Variants in PTPRZ1 observed in about 807,000 individuals in gnomAD.
The protein encoded by PTPRZ1 is receptor-type tyrosine-protein phosphatase zeta.
Under a neutral mutation model 214.1 loss-of-function variants are expected in PTPRZ1, and 82 were observed. That is an observed-to-expected ratio of 0.38 (90% CI 0.32 to 0.46). The LOEUF (loss-of-function observed/expected upper bound fraction) is 0.46, where lower values mean the gene tolerates loss of function less well. PTPRZ1 is among the 20% of genes least tolerant of loss of function. The probability of loss-of-function intolerance (pLI) is 1.00; values close to 1 mark genes in which losing one functional copy is unlikely to be tolerated. For missense variants in PTPRZ1, 2,603 were observed against 2,748.7 expected, an observed-to-expected ratio of 0.95 and a Z score of 1.19; for synonymous variants, 945 against 987.9, an observed-to-expected ratio of 0.96 and a Z score of 0.81.
At chr7:122,033,514 AAG>A (rs1395444249) in intron 15 of PTPRZ1, among the ~76,000 whole-genome samples, 1 of 152,062 alleles carries the variant, frequency 6.6e-6, no homozygotes, top group African/African-American at 2.4e-5. Flanking sequence ...TTTAAACAAA[AAG>A]AGGTCTGCTA....
In PTPRZ1 at chr7:121,972,624, T is replaced by C. The variant is rs1797291242; in HGVS notation, c.388T>C (p.Trp130Arg). ...TAAAGCAAGCAAGATAACTTTTCAC[T>C]GGGGAAAATGCAATATGTCATCTGA... ...VFKASKITFH[W>R]GKCNMSSDGS... The change falls in exon 4 of 30, where the codon TGG becomes CGG. Residue 130 changes from tryptophan (W) to arginine (R), a missense_variant. Trp to Arg is a moderately radical substitution (Grantham distance 101). Coordinates refer to ENST00000393386, the MANE Select transcript of PTPRZ1 (RefSeq NM_002851.3). The C allele has an allele frequency of 1.2e-6, 2 of 1,613,456 alleles. No individual in the cohort carries two copies. Among genetic ancestry groups the C allele is most frequent in the Non-Finnish European group, 1.7e-6 (2 of 1,179,692 alleles).
chr7:122,024,421 G>T (rs1442948251), intron 13 of PTPRZ1, among the ~76,000 whole-genome samples: 1 of 151,988 alleles, frequency 6.6e-6, no homozygotes, highest in African/African-American at 2.4e-5. Flanking sequence ...ATTCTCTCTT[G>T]ATCTTAAACT....
intron 2 of PTPRZ1, among the ~76,000 whole-genome samples, chr7:121,962,065 T>G (rs1381861875): frequency 1.3e-5 from 2 of 152,202 alleles, no homozygotes; most frequent in Admixed American, 1.3e-4. Flanking sequence ...GTATACCTGC[T>G]TTCTCAGATG....
At chr7:121,998,967 T>C (rs1210878159) in intron 10 of PTPRZ1, among the ~76,000 whole-genome samples, 1 of 152,182 alleles carries the variant, frequency 6.6e-6, no homozygotes, top group Non-Finnish European at 1.5e-5. Context: ...GTCTAAATGC[T>C]GTAGCAGGGA....
chr7:121,899,101 G>T (rs1234816706), intron 1 of PTPRZ1, among the ~76,000 whole-genome samples: 1 of 151,986 alleles, frequency 6.6e-6, no homozygotes. Flanking sequence ...TCAAGTCCCA[G>T]GACAGTAAAC....
chr7:122,007,411 G>A lies in PTPRZ1; in HGVS notation c.1287+2751G>A, dbSNP rs563719665. 2.6e-5 allele frequency among the ~76,000 whole-genome samples: 4 copies of A among 152,218 alleles called. No individual in the cohort carries two copies. The East Asian group carries it at 5.8e-4, about 22-fold the overall frequency. On this transcript the variant is annotated intron_variant, in intron 11 of 29. Transcript: ENST00000393386. ...AGCAGTGATTGGTAAGCTTGGCTTG[G>A]TAAATTGGTAGTAGTTCTTGCTATT...
chr7:122,057,936 GTCAT>G, intron 27 of PTPRZ1, among the ~76,000 whole-genome samples: 1 of 143,970 alleles, frequency 6.9e-6, no homozygotes, highest in African/African-American at 2.7e-5. Flanking sequence ...TATCAGTTCA[GTCAT>G]TCATATAGTG....
chr7:121,946,747 G>A (rs754425489), intron 2 of PTPRZ1, among the ~76,000 whole-genome samples: 3 of 152,096 alleles, frequency 2.0e-5, no homozygotes, highest in South Asian at 2.1e-4. Flanking sequence ...CAAAGTAAAC[G>A]TCAGCAAAAA....
intron 13 of PTPRZ1, among the ~76,000 whole-genome samples, chr7:122,024,354 G>T (rs935191519): frequency 6.6e-6 from 1 of 151,818 alleles, no homozygotes; most frequent in African/African-American, 2.4e-5. Context: ...TATAGAAAAG[G>T]ACTTCACATA....
chr7:122,055,002 A>AG lies in PTPRZ1; in HGVS notation c.6445dup (p.Val2149GlyfsTer6), dbSNP rs1405977198. 1 of 1,608,612 alleles carries AG rather than the reference A, an allele frequency of 6.2e-7. No homozygotes were observed. On this transcript the variant is annotated frameshift_variant, in exon 27 of 30. Coordinates refer to ENST00000393386, the MANE Select transcript of PTPRZ1 (RefSeq NM_002851.3). LOFTEE classifies it high-confidence loss of function. ...GAGCCTATAAATTGTGAGAGCTTTAAGGTCACTCTTATGGCTGAAGAACAC... is the reference window on the plus strand; with the variant it reads ...GAGCCTATAAATTGTGAGAGCTTTAAGGGTCACTCTTATGGCTGAAGAACAC...
rs1192125835 is a variant in PTPRZ1, at chr7:122,034,331, A to G, written c.5237A>G (p.Asn1746Ser). Reference protein sequence around the residue: ...VDLGITADSSNHPDNKHKNRY... With the variant: ...VDLGITADSSSHPDNKHKNRY... ...TTAGGTATTACAGCAGACAGCTCCA[A>G]CCACCCAGACAACAAGCACAAGAAT... Residue 1746 changes from asparagine to serine, a missense_variant, in exon 17 of 30, where the codon AAC (asparagine) becomes AGC (serine). This residue lies in a region of PTPRZ1 where 1,913 missense variants were observed against 1,914.3 expected (regional missense o/e 1.00). Coordinates refer to ENST00000393386, the MANE Select transcript of PTPRZ1 (RefSeq NM_002851.3). 1.9e-6 allele frequency: 3 copies of G among 1,613,572 alleles called. No individual in the cohort carries two copies. The highest frequency in any genetic ancestry group is 1.7e-5 in the Admixed American group (1 of 59,946).
chr7:121,935,539 GTTTT>G (rs67756016), intron 2 of PTPRZ1, among the ~76,000 whole-genome samples: 4,045 of 118,566 alleles, frequency 0.034, 53 homozygotes, highest in African/African-American at 0.072. Flanking sequence ...GTTTTTTGGG[GTTTT>G]TTTTGTTTGT....
At chr7:121,931,609 C>G (rs1795927658) in intron 2 of PTPRZ1, among the ~76,000 whole-genome samples, 1 of 151,936 alleles carries the variant, frequency 6.6e-6, no homozygotes, top group African/African-American at 2.4e-5. Context: ...CTTGGGTGTG[C>G]CTCATAAGGT....
chr7:121,920,315 T>C (rs1200259000), intron 1 of PTPRZ1, among the ~76,000 whole-genome samples: 4 of 152,334 alleles, frequency 2.6e-5, no homozygotes, highest in Non-Finnish European at 5.9e-5. Context: ...AATACTATTA[T>C]GGTAAGATAA....
Position 121,997,924 on chromosome 7 carries a change from T to C in PTPRZ1, c.1158T>C (p.Leu386=). ...NNLLPNMSYV[L]QIVAICTNGL... Reference sequence around the variant, plus strand: ...TGCTACCCAATATGAGTTATGTTCTTCAGATAGTAGCCATATGCACTAATG... The same window carrying C: ...TGCTACCCAATATGAGTTATGTTCTCCAGATAGTAGCCATATGCACTAATG... The change falls in exon 10 of 30, where the codon CTT becomes CTC. Residue 386 remains leucine (L), a synonymous_variant. Coordinates refer to ENST00000393386, the MANE Select transcript of PTPRZ1 (RefSeq NM_002851.3). 1 of 1,611,298 alleles carries C rather than the reference T, an allele frequency of 6.2e-7. No homozygotes were observed. Among genetic ancestry groups the C allele is most frequent in the Non-Finnish European group, 8.5e-7 (1 of 1,177,774 alleles).
chr7:121,991,237 G>T (rs1797952440), intron 8 of PTPRZ1, among the ~76,000 whole-genome samples: 1 of 152,176 alleles, frequency 6.6e-6, no homozygotes, highest in South Asian at 2.1e-4. Flanking sequence ...ACGTGCTACT[G>T]ACTCATAACT....
At chr7:121,992,608 T>G (rs1003024383) in intron 8 of PTPRZ1, among the ~76,000 whole-genome samples, 1 of 152,168 alleles carries the variant, frequency 6.6e-6, no homozygotes, top group Non-Finnish European at 1.5e-5. Context: ...TTTTCATAAG[T>G]TTTTTATACA....
At chr7:121,917,106 A>G (rs1165723437) in intron 1 of PTPRZ1, among the ~76,000 whole-genome samples, 1 of 152,218 alleles carries the variant, frequency 6.6e-6, no homozygotes, top group Non-Finnish European at 1.5e-5. Flanking sequence ...CGCTCACTTC[A>G]AATAAACTGT....
rs193202592 is a variant in PTPRZ1 at position 122,041,570 on chromosome 7, A to G, written c.5801+591A>G. Among the ~76,000 whole-genome samples the G allele has an allele frequency of 1.8e-4, 27 of 152,364 alleles. No homozygotes were observed. The East Asian group carries it at 4.8e-3, about 27-fold the overall frequency. ...TCCAAGACTAGGTTGATAAATAGAAATAATGATGTTTCAATGAAAGAGGAA... is the reference window on the plus strand; with the variant it reads ...TCCAAGACTAGGTTGATAAATAGAAGTAATGATGTTTCAATGAAAGAGGAA... On this transcript the variant is annotated intron_variant, in intron 21 of 29. Transcript: ENST00000393386.
Sources: allele counts gnomAD v4.1 joint callset (sites outside exome capture counted in the v4.1 genomes callset), GRCh38; gene constraint gnomAD v4.1.1; regional missense constraint gnomAD v4.1.1; transcripts MANE v1.5; gene names NCBI Gene and HGNC (gene_info 2026-07-23, HGNC 2026-07-21).